The following GRM5 variants were observed in gnomAD, a reference collection of about 807,000 sequenced individuals.
GRM5 encodes glutamate metabotropic receptor 5.
A neutral mutation model predicts 83.1 loss-of-function variants in GRM5; 19 were observed. The ratio of observed to expected loss-of-function variants is 0.23; its 90% confidence interval spans 0.16 to 0.34. The LOEUF (loss-of-function observed/expected upper bound fraction) is 0.34, where lower values mean the gene tolerates loss of function less well. Among genes scored for constraint, GRM5 ranks in the 10% least tolerant of loss-of-function variants. The pLI is 1.00. For synonymous variants in GRM5, 675 were observed against 633.6 expected (o/e 1.07, Z -0.98); for missense variants, 1,160 against 1,588.3 (o/e 0.73, Z 4.58).
chr11:88,834,604 C>CAT (rs33977147), intron 3 of GRM5, among the ~76,000 whole-genome samples: 74,330 of 151,840 alleles, frequency 0.49, 21,428 homozygotes, highest in African/African-American at 0.76. Flanking sequence ...TAAAACAGCA[C>CAT]GTGTCCAAGA....
intron 3 of GRM5, among the ~76,000 whole-genome samples, chr11:88,792,942 T>C (rs1432483774): frequency 6.6e-6 from 1 of 152,182 alleles, no homozygotes; most frequent in Non-Finnish European, 1.5e-5. Context: ...CTATTTTTGA[T>C]ACTATTTAGA....
chr11:88,941,783 T>C (rs574011139), intron 2 of GRM5, among the ~76,000 whole-genome samples: 1 of 152,190 alleles, frequency 6.6e-6, no homozygotes, highest in East Asian at 1.9e-4. Flanking sequence ...TAATGGCACA[T>C]ATATACCTAC....
intron 3 of GRM5, among the ~76,000 whole-genome samples, chr11:88,788,243 C>G (rs1466588843): frequency 6.6e-6 from 1 of 152,098 alleles, no homozygotes; most frequent in Non-Finnish European, 1.5e-5. Flanking sequence ...ACCTGACAAA[C>G]CCTTTGGATA....
intron 4 of GRM5, among the ~76,000 whole-genome samples, chr11:88,610,833 C>G (rs1343970226): frequency 6.6e-6 from 1 of 152,074 alleles, no homozygotes; most frequent in Admixed American, 6.5e-5. Flanking sequence ...TTTGCCTGTT[C>G]AGTATGATGT....
At chr11:89,044,342 C>T (rs1309558784) in intron 2 of GRM5, among the ~76,000 whole-genome samples, 1 of 152,020 alleles carries the variant, frequency 6.6e-6, no homozygotes, top group Non-Finnish European at 1.5e-5. Context: ...GGCATAATTT[C>T]TGTGTAATAG....
At chr11:88,828,360 T>A (rs544102562) in intron 3 of GRM5, among the ~76,000 whole-genome samples, 3 of 152,322 alleles carry the variant, frequency 2.0e-5, no homozygotes, top group African/African-American at 7.2e-5. Flanking sequence ...GAGATATAGG[T>A]AATTGTACAT....
intron 7 of GRM5, among the ~76,000 whole-genome samples, chr11:88,573,025 A>G (rs11020485): frequency 0.045 from 6,881 of 152,266 alleles, 510 homozygotes; most frequent in African/African-American, 0.15. Context: ...CAGATGAAAC[A>G]TGGATTAGAA....
chr11:88,676,006 C>T (rs1021864468), intron 3 of GRM5, among the ~76,000 whole-genome samples: 2 of 151,882 alleles, frequency 1.3e-5, no homozygotes, highest in Admixed American at 1.3e-4. Flanking sequence ...AGCTCTGGTT[C>T]CATGAACTCT....
chr11:88,798,247 A>AT (rs1053467088), intron 3 of GRM5, among the ~76,000 whole-genome samples: 2 of 152,022 alleles, frequency 1.3e-5, no homozygotes, highest in African/African-American at 2.4e-5. Context: ...ATATCGTTCA[A>AT]TTTTTTTTCT....
intron 3 of GRM5, among the ~76,000 whole-genome samples, chr11:88,661,592 C>T (rs1227027880): frequency 6.6e-6 from 1 of 152,004 alleles, no homozygotes; most frequent in South Asian, 2.1e-4. Flanking sequence ...TTAAAAAATT[C>T]TAATAGTGGG....
At chr11:88,890,776 C>T (rs1183379544) in intron 2 of GRM5, among the ~76,000 whole-genome samples, 1 of 152,064 alleles carries the variant, frequency 6.6e-6, no homozygotes, top group Non-Finnish European at 1.5e-5. Flanking sequence ...TCCTAGGCTC[C>T]ACGCCTGGTA....
At chr11:88,901,586 C>A (rs1219092083) in intron 2 of GRM5, among the ~76,000 whole-genome samples, 2 of 152,138 alleles carry the variant, frequency 1.3e-5, no homozygotes, top group Admixed American at 1.3e-4. Context: ...CTAGGCTATG[C>A]CCCTTCATGT....
intron 3 of GRM5, among the ~76,000 whole-genome samples, chr11:88,693,148 T>C (rs1940820173): frequency 6.6e-6 from 1 of 152,110 alleles, no homozygotes; most frequent in Non-Finnish European, 1.5e-5. Flanking sequence ...TTCAATTCAA[T>C]TCAATTCAAT....
At chr11:88,589,866 T>G (rs965944915) in intron 7 of GRM5, among the ~76,000 whole-genome samples, 13 of 152,314 alleles carry the variant, frequency 8.5e-5, no homozygotes, top group African/African-American at 3.1e-4. Flanking sequence ...TCTATATTTT[T>G]ATTTTAGTGG....
chr11:88,927,621 T>G (rs1048014468), intron 2 of GRM5, among the ~76,000 whole-genome samples: 26 of 152,220 alleles, frequency 1.7e-4, no homozygotes, highest in Middle Eastern at 6.8e-3. Context: ...CACAAATTGG[T>G]AGGCACTTTC....
intron 3 of GRM5, among the ~76,000 whole-genome samples, chr11:88,767,683 T>C (rs1942649635): frequency 6.6e-6 from 1 of 151,802 alleles, no homozygotes; most frequent in South Asian, 2.1e-4. Flanking sequence ...TGAGGGTGGA[T>C]GGTAGGAGGA....
At chr11:88,695,310 C>G (rs371694387) in intron 3 of GRM5, among the ~76,000 whole-genome samples, 2 of 152,116 alleles carry the variant, frequency 1.3e-5, no homozygotes, top group Non-Finnish European at 2.9e-5. Flanking sequence ...ATTGCTTGAT[C>G]ATTTCTTAAC....
At chr11:88,925,125 G>T (rs933728709) in intron 2 of GRM5, among the ~76,000 whole-genome samples, 3 of 152,000 alleles carry the variant, frequency 2.0e-5, no homozygotes, top group Non-Finnish European at 4.4e-5. Flanking sequence ...GCAAAGAAAT[G>T]ATCGATTGGC....
chr11:88,826,078 T>C (rs1314318862), intron 3 of GRM5, among the ~76,000 whole-genome samples: 2 of 152,184 alleles, frequency 1.3e-5, no homozygotes, highest in Non-Finnish European at 2.9e-5. Flanking sequence ...TCTAGAATAA[T>C]ATCCTTAAAG....
Sources: gnomAD v4.1 joint callset for allele counts (sites outside exome capture counted in the v4.1 genomes callset) on GRCh38, gnomAD v4.1.1 for gene constraint, MANE v1.5 for transcripts, NCBI Gene and HGNC (gene_info 2026-07-23, HGNC 2026-07-21) for gene names.